FAM110B: variants seen among roughly 807,000 people sequenced by gnomAD.
The protein encoded by FAM110B is protein FAM110B.
A neutral mutation model predicts 20.4 loss-of-function variants in FAM110B; 6 were observed. The observed-to-expected ratio is 0.29, with a 90% confidence interval of 0.16 to 0.58. FAM110B has a LOEUF of 0.58. Ranked by LOEUF, FAM110B falls within the 20% of genes least tolerant of loss-of-function variation. The pLI is 0.90. For missense variants in FAM110B, 434 were observed against 498.2 expected (o/e 0.87, Z 1.23); for synonymous variants, 226 against 214.1 (o/e 1.06, Z -0.49).
chr8:58,041,782 T>G (rs35338825), intron 2 of FAM110B, among the ~76,000 whole-genome samples: 6,788 of 152,254 alleles, frequency 0.045, 229 homozygotes, highest in Non-Finnish European at 0.054. Flanking sequence ...AGTAAGGACT[T>G]ACTTAAAGCT....
chr8:58,008,102 G>A (rs1804449528), intron 1 of FAM110B, among the ~76,000 whole-genome samples: 2 of 149,658 alleles, frequency 1.3e-5, no homozygotes. Context: ...TGAAATGACA[G>A]TGTAGGAGTC....
intron 3 of FAM110B, among the ~76,000 whole-genome samples, chr8:58,120,837 A>G (rs1807342029): frequency 6.6e-6 from 1 of 152,190 alleles, no homozygotes; most frequent in South Asian, 2.1e-4. Context: ...TAGTTACTGA[A>G]AAGCCTGGCA....
rs142063914 is a variant in FAM110B, at chr8:57,997,061, G to A, written c.-512+2255G>A. Among the ~76,000 whole-genome samples, 485 of 152,042 alleles carry A rather than the reference G, an allele frequency of 3.2e-3. 1 individual carries two copies. The highest frequency in any genetic ancestry group is 5.6e-3 in the Non-Finnish European group (384 of 67,982). On this transcript the variant is annotated intron_variant, in intron 1 of 3. Coordinates refer to ENST00000519262, the MANE Select transcript of FAM110B (RefSeq NM_001377989.1). ...CTTTGAAGTGACTTTTTAAAAAATCGTGATTCCTAAATAACTTAGCTAAGC... is the reference window on the plus strand; with the variant it reads ...CTTTGAAGTGACTTTTTAAAAAATCATGATTCCTAAATAACTTAGCTAAGC...
At chr8:58,096,300 C>T (rs147268576) in intron 3 of FAM110B, among the ~76,000 whole-genome samples, 2,221 of 152,156 alleles carry the variant, frequency 0.015, 26 homozygotes, top group East Asian at 0.061. Context: ...CTCAGTCTCC[C>T]GAGTAGCTGG....
intron 1 of FAM110B, among the ~76,000 whole-genome samples, chr8:57,995,949 A>G (rs1293130685): frequency 1.3e-5 from 2 of 152,238 alleles, no homozygotes; most frequent in Non-Finnish European, 2.9e-5. Flanking sequence ...TATGGATAGT[A>G]GGACTTCCAT....
chr8:58,052,837 G>C (rs1805476548), intron 2 of FAM110B, among the ~76,000 whole-genome samples: 2 of 134,870 alleles, frequency 1.5e-5, no homozygotes. Flanking sequence ...CCAGGCTGGA[G>C]TGCAGTGGCG....
chr8:58,012,049 A>G (rs1804547740), intron 1 of FAM110B, among the ~76,000 whole-genome samples: 1 of 152,158 alleles, frequency 6.6e-6, no homozygotes, highest in Non-Finnish European at 1.5e-5. Context: ...TGCCTAGTGT[A>G]CTCTGCACTT....
chr8:58,067,926 A>G (rs963913905), intron 2 of FAM110B, among the ~76,000 whole-genome samples: 1 of 152,228 alleles, frequency 6.6e-6, no homozygotes, highest in Middle Eastern at 3.2e-3. Context: ...CAGTTCCAAA[A>G]CAAATACTGG....
chr8:58,121,306 C>T (rs1184801408), intron 3 of FAM110B, among the ~76,000 whole-genome samples: 1 of 152,144 alleles, frequency 6.6e-6, no homozygotes, highest in East Asian at 1.9e-4. Context: ...GATGTATTCT[C>T]CTGTGGGTCT....
At chr8:58,125,659 T>C (rs1807480628) in intron 3 of FAM110B, among the ~76,000 whole-genome samples, 1 of 152,230 alleles carries the variant, frequency 6.6e-6, no homozygotes, top group Non-Finnish European at 1.5e-5. Context: ...TTTCTCAATA[T>C]TAAAATATGA....
At chr8:58,066,689 T>C (rs1426086381) in intron 2 of FAM110B, among the ~76,000 whole-genome samples, 1 of 152,094 alleles carries the variant, frequency 6.6e-6, no homozygotes, top group Non-Finnish European at 1.5e-5. Context: ...TTTTCCTCGG[T>C]GTGGGGTGAT....
chr8:58,048,679 A>G (rs561959492), intron 2 of FAM110B, among the ~76,000 whole-genome samples: 26 of 152,332 alleles, frequency 1.7e-4, no homozygotes, highest in African/African-American at 5.5e-4. Flanking sequence ...GATCTAACCT[A>G]CTTCAGGGCT....
At chr8:58,115,911 A>G (rs1807197400) in intron 3 of FAM110B, among the ~76,000 whole-genome samples, 1 of 152,196 alleles carries the variant, frequency 6.6e-6, no homozygotes, top group African/African-American at 2.4e-5. Flanking sequence ...AAGCCAGAGA[A>G]AGGCCCAGAT....
chr8:58,146,265 T>G lies in FAM110B; in HGVS notation c.35T>G (p.Val12Gly). The G allele has an allele frequency of 6.2e-7, 1 of 1,610,976 alleles. No individual in the cohort carries two copies. Among genetic ancestry groups the G allele is most frequent in the Non-Finnish European group, 8.5e-7 (1 of 1,178,140 alleles). The change falls in exon 4 of 4, where the codon GTG becomes GGG. Residue 12 changes from valine (V) to glycine (G), a missense_variant. Val to Gly is a moderately radical substitution (Grantham distance 109). Transcript: ENST00000519262. ...GAGACCCTACAGACAGGTAGCATGG[T>G]GAAGCCGGTCAGCCCCGCGGGCACC... Reference protein sequence around the residue: ...PTETLQTGSMVKPVSPAGTFT... With the variant: ...PTETLQTGSMGKPVSPAGTFT...
intron 2 of FAM110B, among the ~76,000 whole-genome samples, chr8:58,036,777 G>GTA (rs1417370499): frequency 1.3e-5 from 2 of 152,158 alleles, no homozygotes; most frequent in Non-Finnish European, 2.9e-5. Context: ...TTTGCTTTAG[G>GTA]TATTGATCTG....
At chr8:58,014,384 C>A (rs1037337252) in intron 1 of FAM110B, among the ~76,000 whole-genome samples, 17 of 152,142 alleles carry the variant, frequency 1.1e-4, no homozygotes, top group African/African-American at 4.1e-4. Context: ...CTTATTCACA[C>A]GGTCTGGGGA....
intron 2 of FAM110B, among the ~76,000 whole-genome samples, chr8:58,035,346 G>GT (rs1227569956): frequency 1.3e-5 from 2 of 152,182 alleles, no homozygotes; most frequent in African/African-American, 4.8e-5. Context: ...AATGAGATGT[G>GT]TTTAACAAAC....
chr8:58,122,302 A>AT (rs1403824920), intron 3 of FAM110B, among the ~76,000 whole-genome samples: 6 of 151,812 alleles, frequency 4.0e-5, no homozygotes, highest in Non-Finnish European at 8.8e-5. Flanking sequence ...CTTACTGTGG[A>AT]TTTTTTGTTT....
chr8:58,041,399 G>A (rs1417387497), intron 2 of FAM110B, among the ~76,000 whole-genome samples: 1 of 152,138 alleles, frequency 6.6e-6, no homozygotes, highest in Non-Finnish European at 1.5e-5. Context: ...TTACCCTTCT[G>A]TCCACATCTG....
Sources: allele counts gnomAD v4.1 joint callset (sites outside exome capture counted in the v4.1 genomes callset), GRCh38; gene constraint gnomAD v4.1.1; transcripts MANE v1.5; gene names NCBI Gene and HGNC (gene_info 2026-07-23, HGNC 2026-07-21).